The following NRXN1 variants were observed in gnomAD, a reference collection of about 807,000 sequenced individuals.
NRXN1 encodes neurexin-1.
In NRXN1, 39 loss-of-function variants were observed where a neutral mutation model predicts 150.9. That is an observed-to-expected ratio of 0.26 (90% CI 0.20 to 0.34). The LOEUF (loss-of-function observed/expected upper bound fraction) is 0.34. NRXN1 is among the 10% of genes least tolerant of loss of function. The pLI is 1.00. For missense variants in NRXN1, 1,815 were observed against 1,949.9 expected, an observed-to-expected ratio of 0.93 and a Z score of 1.30; for synonymous variants, 924 against 757.0, an observed-to-expected ratio of 1.22 and a Z score of -3.62.
At chr2:51,018,319 G>T (rs2105257846) in intron 2 of NRXN1, among the ~76,000 whole-genome samples, 1 of 152,224 alleles carries the variant, frequency 6.6e-6, no homozygotes, top group East Asian at 1.9e-4. Flanking sequence ...ATTTGATGTA[G>T]CAGTTGTTCC....
At chr2:50,621,301 G>A (rs1242570166) in intron 6 of NRXN1, 52 bp from the exon 7 acceptor site, 8 of 1,384,060 alleles carry the variant, frequency 5.8e-6, no homozygotes, top group East Asian at 5.0e-5. Flanking sequence ...ACAGAATAAC[G>A]ATCGTTACTT....
chr2:50,325,661 T>C (rs2076340440), intron 17 of NRXN1, among the ~76,000 whole-genome samples: 1 of 152,252 alleles, frequency 6.6e-6, no homozygotes, highest in African/African-American at 2.4e-5. Flanking sequence ...ATCTTCACTA[T>C]TATTAACAGT....
At chr2:50,939,140 G>T (rs370275098) in intron 2 of NRXN1, among the ~76,000 whole-genome samples, 30 of 148,864 alleles carry the variant, frequency 2.0e-4, no homozygotes, top group Admixed American at 6.8e-4. Context: ...GAACCTGGGA[G>T]GCAGAGCTTG....
chr2:50,257,474 G>A (rs937008408), intron 17 of NRXN1, among the ~76,000 whole-genome samples: 1 of 152,024 alleles, frequency 6.6e-6, no homozygotes, highest in African/African-American at 2.4e-5. Flanking sequence ...TCCACCTTTT[G>A]AGATTTAAAT....
intron 19 of NRXN1, among the ~76,000 whole-genome samples, chr2:50,074,002 A>G (rs926888540): frequency 6.6e-6 from 1 of 152,114 alleles, no homozygotes; most frequent in African/African-American, 2.4e-5. Context: ...CCTGGAAAGT[A>G]TGAGGGTATG....
chr2:50,119,485 A>G (rs891307069), intron 18 of NRXN1, among the ~76,000 whole-genome samples: 4 of 152,026 alleles, frequency 2.6e-5, no homozygotes, highest in African/African-American at 9.7e-5. Flanking sequence ...TGTCATGTCT[A>G]AAGCCCCGCG....
intron 17 of NRXN1, among the ~76,000 whole-genome samples, chr2:50,419,265 A>C (rs1157854027): frequency 1.3e-5 from 2 of 152,120 alleles, no homozygotes; most frequent in Non-Finnish European, 2.9e-5. Context: ...TTTCAGAAGA[A>C]TCATATCTTT....
intron 5 of NRXN1, among the ~76,000 whole-genome samples, chr2:50,727,675 G>A (rs1421705936): frequency 6.6e-6 from 1 of 152,008 alleles, no homozygotes; most frequent in Non-Finnish European, 1.5e-5. Flanking sequence ...TTTATAAAGT[G>A]CTCTAAGGAC....
intron 8 of NRXN1, among the ~76,000 whole-genome samples, chr2:50,587,619 T>A (rs1232834589): frequency 6.6e-6 from 1 of 152,194 alleles, no homozygotes; most frequent in Non-Finnish European, 1.5e-5. Context: ...TATAGTTATT[T>A]GGATGTGTAC....
chr2:49,919,110 T>C lies in NRXN1; in HGVS notation c.*2834A>G, dbSNP rs1667775230. On this transcript the variant is annotated 3_prime_UTR_variant, in exon 23 of 23. Coordinates refer to ENST00000401669, the MANE Select transcript of NRXN1 (RefSeq NM_001330078.2). ...CTTTTAAAAAAGGCAACACATTACA[T>C]GGATAAAAAAGAAGCATAATCAATC... The C allele has an allele frequency of 6.6e-6, 1 of 152,084 alleles. No individual in the cohort carries two copies. Among genetic ancestry groups the C allele is most frequent in the African/African-American group, 2.4e-5 (1 of 41,436 alleles). 9.4% of individuals were successfully genotyped at this position (152,084 alleles called of 1,614,324 possible).
At chr2:49,948,098 A>G (rs1558561778) in intron 21 of NRXN1, among the ~76,000 whole-genome samples, 2 of 152,094 alleles carry the variant, frequency 1.3e-5, no homozygotes. Context: ...TTACTGTCCA[A>G]CTTTGACCTT....
chr2:50,897,815 A>G (rs1396376259), intron 5 of NRXN1, among the ~76,000 whole-genome samples: 1 of 152,200 alleles, frequency 6.6e-6, no homozygotes, highest in East Asian at 1.9e-4. Flanking sequence ...AATGTTCTGT[A>G]TCTTGGTTGC....
intron 18 of NRXN1, chr2:50,175,050 A>T (rs925883456): frequency 7.2e-5 from 11 of 152,178 alleles, no homozygotes; most frequent in South Asian, 2.1e-4. Context: ...GAGGTTCAGA[A>T]ATCAGTGACT....
intron 18 of NRXN1, among the ~76,000 whole-genome samples, chr2:50,231,153 G>A (rs889128786): frequency 9.9e-5 from 15 of 152,014 alleles, no homozygotes; most frequent in African/African-American, 3.4e-4. Context: ...ATACTATATG[G>A]CAAAGTTAAA....
intron 17 of NRXN1, among the ~76,000 whole-genome samples, chr2:50,401,400 G>A (rs1279930893): frequency 6.6e-6 from 1 of 152,138 alleles, no homozygotes; most frequent in Non-Finnish European, 1.5e-5. Flanking sequence ...CTCCCTGAAA[G>A]CAGACATGTG....
chr2:50,906,391 T>G (rs969256950), intron 5 of NRXN1, among the ~76,000 whole-genome samples: 3 of 152,116 alleles, frequency 2.0e-5, no homozygotes, highest in African/African-American at 7.2e-5. Context: ...ACTCCAGTCG[T>G]GCCCACATCT....
At chr2:50,743,960 T>G (rs186886014) in intron 5 of NRXN1, among the ~76,000 whole-genome samples, 1 of 152,134 alleles carries the variant, frequency 6.6e-6, no homozygotes, top group Non-Finnish European at 1.5e-5. Flanking sequence ...TAGCCCAAGA[T>G]TGCCCTCAAA....
chr2:50,759,158 T>C (rs1451540631), intron 5 of NRXN1, among the ~76,000 whole-genome samples: 1 of 151,970 alleles, frequency 6.6e-6, no homozygotes, highest in Non-Finnish European at 1.5e-5. Flanking sequence ...TCACCTTTAA[T>C]AGTGACAAAT....
At chr2:50,037,980 G>A (rs1336647417) in intron 21 of NRXN1, among the ~76,000 whole-genome samples, 1 of 152,122 alleles carries the variant, frequency 6.6e-6, no homozygotes. Flanking sequence ...TCATTTGAAT[G>A]TGAAAAGAAA....
Sources: allele counts gnomAD v4.1 joint callset (sites outside exome capture counted in the v4.1 genomes callset), GRCh38; gene constraint gnomAD v4.1.1; transcripts MANE v1.5; gene names NCBI Gene and HGNC (gene_info 2026-07-23, HGNC 2026-07-21).